GLI2: variants seen among roughly 807,000 people sequenced by gnomAD.
The protein encoded by GLI2 is transcription activator GLI2.
GLI2 carries 22 observed loss-of-function variants against 78.9 expected under a neutral mutation model. That is an observed-to-expected ratio of 0.28 (90% confidence interval 0.20 to 0.40). GLI2 has a LOEUF of 0.40. Among genes scored for constraint, GLI2 ranks in the 10% least tolerant of loss-of-function variants. The probability of loss-of-function intolerance (pLI) is 1.00; values close to 1 mark genes in which losing one functional copy is unlikely to be tolerated. For missense variants in GLI2, 2,097 were observed against 2,213.2 expected, an observed-to-expected ratio of 0.95 and a Z score of 1.05; for synonymous variants, 974 against 963.7, an observed-to-expected ratio of 1.01 and a Z score of -0.20.
rs201051196 is a variant in GLI2, at chr2:120,990,357, C to G, written c.4392C>G (p.Asp1464Glu). ...SQPPQPQACQDSIQPQPLPSP... is the reference protein window; with the variant it reads ...SQPPQPQACQESIQPQPLPSP... ...CACCACAGCCACAGGCCTGTCAGGA[C>G]AGCATCCAGCCCCAGCCCTTGCCCT... The change falls in exon 14 of 14, where the codon GAC becomes GAG. Residue 1464 changes from aspartate (D) to glutamate (E), a missense_variant. Asp to Glu is a conservative substitution (Grantham distance 45). Around this residue, in one of 5 missense-constraint regions of GLI2, gnomAD observed 1,290 missense variants for 1,261.7 expected, o/e 1.02. Transcript: ENST00000361492. The G allele has an allele frequency of 1.7e-4, 268 of 1,613,926 alleles. 1 individual carries two copies. Among genetic ancestry groups the G allele is most frequent in the Non-Finnish European group, 2.1e-4 (250 of 1,180,046 alleles).
chr2:120,783,693 G>C (rs188290927), intron 1 of GLI2, among the ~76,000 whole-genome samples: 1 of 152,292 alleles, frequency 6.6e-6, no homozygotes, highest in Admixed American at 6.5e-5. Flanking sequence ...GCCAGGGACA[G>C]CTGGCAGCAC....
In GLI2 at chr2:120,960,131, A is replaced by G. The variant is rs537158741; in HGVS notation, c.643+4701A>G. The stretch of plus-strand genomic sequence containing the variant: ...ATTTACCAGGCTCGGTTCTAGGTCT[A>G]GGGACGCAACGCATCATGAGCAGCA... On this transcript the variant is annotated intron_variant, in intron 5 of 13. Transcript: ENST00000361492. 4.1e-4 allele frequency among the ~76,000 whole-genome samples: 62 copies of G among 152,308 alleles called. 1 individual carries two copies. In the Middle Eastern group the frequency reaches 0.02, roughly 50 times the overall value.
intron 5 of GLI2, among the ~76,000 whole-genome samples, chr2:120,959,594 C>T (rs948842310): frequency 6.6e-6 from 1 of 152,220 alleles, no homozygotes; most frequent in Non-Finnish European, 1.5e-5. Context: ...GACGGTTACT[C>T]ACGTATGTCT....
At position 120,800,460 on chromosome 2, in the gene GLI2, C is replaced by T. The variant is rs36124185; in HGVS notation, c.148+2992C>T. Among the ~76,000 whole-genome samples, 70,793 of 150,254 alleles carry T rather than the reference C, an allele frequency of 0.47. 19,232 individuals carry two copies. Among genetic ancestry groups the T allele is most frequent in the East Asian group, 0.67 (3,480 of 5,164 alleles). On this transcript the variant is annotated intron_variant, in intron 2 of 13. Coordinates refer to ENST00000361492, the MANE Select transcript of GLI2 (RefSeq NM_001374353.1). The surrounding 1 kb of genome is among the most constrained non-coding windows in gnomAD (Gnocchi z 4.1). Reference sequence around the variant, plus strand: ...GTTCACACCCTGATTTGCTGTCTGGCGGAAAGGGATGATTTATTATTATTA... The same window carrying T: ...GTTCACACCCTGATTTGCTGTCTGGTGGAAAGGGATGATTTATTATTATTA...
intron 2 of GLI2, among the ~76,000 whole-genome samples, chr2:120,879,650 A>C (rs906096517): frequency 6.6e-6 from 1 of 152,200 alleles, no homozygotes; most frequent in Non-Finnish European, 1.5e-5. Flanking sequence ...CGGCCCCACC[A>C]CGGGCTGGAT....
chr2:120,977,655 G>A (rs554859782), intron 9 of GLI2, among the ~76,000 whole-genome samples: 1 of 152,334 alleles, frequency 6.6e-6, no homozygotes, highest in East Asian at 1.9e-4. Flanking sequence ...GGCTGGGGAA[G>A]TAAACCCAGC....
intron 2 of GLI2, among the ~76,000 whole-genome samples, chr2:120,895,760 T>G (rs1677910950): frequency 6.6e-6 from 1 of 152,182 alleles, no homozygotes; most frequent in African/African-American, 2.4e-5. Flanking sequence ...TCTCAGTAAG[T>G]TTCCCTGGGA....
chr2:120,904,793 T>G (rs115485273), intron 2 of GLI2, among the ~76,000 whole-genome samples: 5,539 of 152,274 alleles, frequency 0.036, 148 homozygotes, highest in South Asian at 0.064. Flanking sequence ...GAGCCTGCGA[T>G]CTACCAAAGT....
chr2:120,913,269 A>G (rs893339507), intron 2 of GLI2, among the ~76,000 whole-genome samples: 1 of 152,196 alleles, frequency 6.6e-6, no homozygotes, highest in African/African-American at 2.4e-5. Flanking sequence ...GAGTGCTTGC[A>G]ATGTGGCTAT....
intron 2 of GLI2, among the ~76,000 whole-genome samples, chr2:120,844,333 C>G (rs1156436071): frequency 6.6e-6 from 1 of 152,220 alleles, no homozygotes; most frequent in African/African-American, 2.4e-5. Context: ...CTGTAGTTTG[C>G]TAATCCTTAC....
At chr2:120,837,812 G>A (rs979510377) in intron 2 of GLI2, among the ~76,000 whole-genome samples, 9 of 152,112 alleles carry the variant, frequency 5.9e-5, no homozygotes, top group African/African-American at 2.2e-4. Flanking sequence ...CCTTGCATAT[G>A]TAGCTCTGTT....
intron 3 of GLI2, among the ~76,000 whole-genome samples, chr2:120,932,474 T>C (rs1284421284): frequency 6.6e-6 from 1 of 152,044 alleles, no homozygotes; most frequent in African/African-American, 2.4e-5. Context: ...CCCTGCCCTC[T>C]GCCCCTCCGG....
intron 1 of GLI2, among the ~76,000 whole-genome samples, chr2:120,746,169 A>G (rs2104626664): frequency 6.6e-6 from 1 of 152,288 alleles, no homozygotes; most frequent in East Asian, 1.9e-4. Context: ...TGGTCAGGAA[A>G]AGCTGGAGCA....
At chr2:120,927,075 T>C (rs1031690403) in intron 2 of GLI2, among the ~76,000 whole-genome samples, 1 of 152,206 alleles carries the variant, frequency 6.6e-6, no homozygotes, top group Non-Finnish European at 1.5e-5. Flanking sequence ...TGAGCCCAGT[T>C]TTGTGGCCCT....
intron 1 of GLI2, among the ~76,000 whole-genome samples, chr2:120,780,872 A>C (rs1371524368): frequency 2.0e-5 from 3 of 152,148 alleles, no homozygotes; most frequent in African/African-American, 7.2e-5. Context: ...GCTGTGTTAC[A>C]GCTTCTGGAC....
intron 2 of GLI2, among the ~76,000 whole-genome samples, chr2:120,842,474 C>T (rs971412504): frequency 6.6e-6 from 1 of 152,088 alleles, no homozygotes; most frequent in Non-Finnish European, 1.5e-5. Context: ...ATTTATTTAA[C>T]GAGTCTCCCT....
chr2:120,877,422 G>A (rs1476396379), intron 2 of GLI2, among the ~76,000 whole-genome samples: 4 of 152,170 alleles, frequency 2.6e-5, no homozygotes, highest in Non-Finnish European at 2.9e-5. Context: ...AGTGGAGGGC[G>A]TGGTGAATTT....
chr2:120,972,182 G>A (rs1682218441), intron 8 of GLI2, 119 bp downstream of exon 8: 2 of 1,119,646 alleles, frequency 1.8e-6, no homozygotes, highest in Non-Finnish European at 2.7e-6. Flanking sequence ...GGATGAATGA[G>A]TGACCCAGGG....
chr2:120,923,055 A>G (rs1018592037), intron 2 of GLI2, among the ~76,000 whole-genome samples: 4 of 151,956 alleles, frequency 2.6e-5, no homozygotes, highest in African/African-American at 9.7e-5. Flanking sequence ...ACACACAGCA[A>G]TACACACATA....
Sources: gnomAD v4.1 joint callset for allele counts (sites outside exome capture counted in the v4.1 genomes callset) on GRCh38, gnomAD v4.1.1 for gene constraint, gnomAD v4.1.1 regional missense constraint, Gnocchi (gnomAD v3.1) non-coding constraint, MANE v1.5 for transcripts, NCBI Gene and HGNC (gene_info 2026-07-23, HGNC 2026-07-21) for gene names.